DLC1: variants seen among roughly 807,000 people sequenced by gnomAD.
The protein encoded by DLC1 is rho GTPase-activating protein 7.
Under a neutral mutation model 140.3 loss-of-function variants are expected in DLC1, and 54 were observed. The ratio of observed to expected loss-of-function variants is 0.38; its 90% CI spans 0.31 to 0.48. The LOEUF is 0.48. Among genes scored for constraint, DLC1 ranks in the 20% least tolerant of loss-of-function variants. The probability of loss-of-function intolerance (pLI) is 0.96; values close to 1 mark genes in which losing one functional copy is unlikely to be tolerated. For missense variants in DLC1, 2,536 were observed against 1,907.0 expected (o/e 1.33, Z -6.14); for synonymous variants, 986 against 728.1 (o/e 1.35, Z -5.70).
chr8:13,141,945 C>T (rs1020972217), intron 5 of DLC1, among the ~76,000 whole-genome samples: 6 of 152,180 alleles, frequency 3.9e-5, no homozygotes, highest in Non-Finnish European at 5.9e-5. Context: ...TCATCTTGAA[C>T]TGTAATCCCC....
intron 5 of DLC1, among the ~76,000 whole-genome samples, chr8:13,284,019 T>C (rs1408118630): frequency 6.6e-6 from 1 of 152,148 alleles, no homozygotes; most frequent in African/African-American, 2.4e-5. Flanking sequence ...ATCAGTGGAC[T>C]AGAGTCACTT....
At chr8:13,465,872 A>C (rs1012706655) in intron 2 of DLC1, among the ~76,000 whole-genome samples, 21 of 152,132 alleles carry the variant, frequency 1.4e-4, no homozygotes, top group African/African-American at 5.1e-4. Context: ...CTCATACCAG[A>C]ACCAGGGTTA....
intron 5 of DLC1, among the ~76,000 whole-genome samples, chr8:13,152,876 T>A (rs1389604165): frequency 6.6e-6 from 1 of 150,472 alleles, no homozygotes; most frequent in African/African-American, 2.4e-5. Context: ...TCTGAAAAGC[T>A]GCTGCCATTT....
chr8:13,237,241 A>G (rs1279386285), intron 5 of DLC1, among the ~76,000 whole-genome samples: 6 of 39,630 alleles, frequency 1.5e-4, no homozygotes, highest in East Asian at 0.012. Flanking sequence ...ATATATATAT[A>G]CACACACACA....
intron 5 of DLC1, among the ~76,000 whole-genome samples, chr8:13,120,933 C>G (rs562128719): frequency 1.4e-4 from 21 of 152,238 alleles, no homozygotes; most frequent in African/African-American, 5.1e-4. Context: ...ACTCTGTTAT[C>G]TTAGCTGGTT....
chr8:13,453,402 G>A (rs541858436), intron 2 of DLC1, among the ~76,000 whole-genome samples: 953 of 20,568 alleles, frequency 0.046, 49 homozygotes, highest in African/African-American at 0.099. Flanking sequence ...ATATATATAT[G>A]TGTATATATA....
chr8:13,194,163 T>C (rs920215904), intron 5 of DLC1, among the ~76,000 whole-genome samples: 4 of 152,204 alleles, frequency 2.6e-5, no homozygotes, highest in African/African-American at 9.7e-5. Flanking sequence ...TGTGTTCAAA[T>C]TTTTATCAAA....
At chr8:13,154,930 T>C (rs542397697) in intron 5 of DLC1, among the ~76,000 whole-genome samples, 1 of 152,294 alleles carries the variant, frequency 6.6e-6, no homozygotes, top group Admixed American at 6.5e-5. Flanking sequence ...TTTAAAAAAC[T>C]TATGTTTTTA....
intron 4 of DLC1, among the ~76,000 whole-genome samples, chr8:13,356,231 T>C (rs1342443006): frequency 6.6e-6 from 1 of 152,164 alleles, no homozygotes; most frequent in African/African-American, 2.4e-5. Context: ...GGCCAACTTC[T>C]ATATTTCCTC....
At chr8:13,521,492 C>T (rs1038674304) in intron 1 of DLC1, among the ~76,000 whole-genome samples, 4 of 152,114 alleles carry the variant, frequency 2.6e-5, no homozygotes, top group African/African-American at 7.2e-5. Context: ...AATGGGGCCA[C>T]GCATTCTCTC....
intron 1 of DLC1, among the ~76,000 whole-genome samples, chr8:13,511,494 T>A (rs941800185): frequency 6.6e-6 from 1 of 152,196 alleles, no homozygotes; most frequent in Non-Finnish European, 1.5e-5. Context: ...ATCAAAACTC[T>A]GTAAACTATC....
At chr8:13,473,846 C>T (rs1800318775) in intron 2 of DLC1, among the ~76,000 whole-genome samples, 1 of 152,118 alleles carries the variant, frequency 6.6e-6, no homozygotes, top group South Asian at 2.1e-4. Context: ...TTCTAAGCAG[C>T]AAAGTATTCA....
At chr8:13,312,423 C>T (rs965885020) in intron 4 of DLC1, among the ~76,000 whole-genome samples, 1 of 143,036 alleles carries the variant, frequency 7.0e-6, no homozygotes, top group Non-Finnish European at 1.5e-5. Flanking sequence ...ACAGAAAGAG[C>T]CCCATGACTG....
At chr8:13,361,689 C>T (rs1835234878) in intron 4 of DLC1, among the ~76,000 whole-genome samples, 1 of 152,094 alleles carries the variant, frequency 6.6e-6, no homozygotes, top group South Asian at 2.1e-4. Context: ...TAGGTCTGGA[C>T]AAGATATTTA....
At chr8:13,435,738 T>C (rs1417312330) in intron 2 of DLC1, among the ~76,000 whole-genome samples, 1 of 152,206 alleles carries the variant, frequency 6.6e-6, no homozygotes, top group Non-Finnish European at 1.5e-5. Flanking sequence ...AAAATTTAGT[T>C]GACAAAGGAG....
intron 4 of DLC1, among the ~76,000 whole-genome samples, chr8:13,380,423 G>A (rs1286696119): frequency 6.6e-6 from 1 of 152,096 alleles, no homozygotes; most frequent in East Asian, 1.9e-4. Flanking sequence ...ATGTTTTAAA[G>A]AAAACCCATT....
chr8:13,390,061 G>T (rs1239564170), intron 4 of DLC1, among the ~76,000 whole-genome samples: 3 of 152,102 alleles, frequency 2.0e-5, no homozygotes, highest in Non-Finnish European at 4.4e-5. Context: ...GCTCCAAATT[G>T]TGGGAGAAAG....
At position 13,526,687 on chromosome 8, in the gene DLC1, C is replaced by T. The variant is rs370114055; in HGVS notation, c.-125-26491G>A. ...TATCGCAAGGACAGAAAGCCAAACACCGCATGTTCTCATTCATAGGTGGGA... is the reference window on the plus strand; with the variant it reads ...TATCGCAAGGACAGAAAGCCAAACATCGCATGTTCTCATTCATAGGTGGGA... On this transcript the variant is annotated intron_variant, in intron 1 of 1. Transcript: ENST00000631382. Among the ~76,000 whole-genome samples the T allele has an allele frequency of 5.9e-5, 9 of 152,142 alleles. No homozygotes were observed. In the East Asian group the frequency reaches 1.2e-3, roughly 20 times the overall value.
intron 1 of DLC1, among the ~76,000 whole-genome samples, chr8:13,560,296 T>C (rs1804193923): frequency 6.6e-6 from 1 of 152,200 alleles, no homozygotes; most frequent in Non-Finnish European, 1.5e-5. Flanking sequence ...AAACTTTCAC[T>C]TATTTTCAAA....
Sources: allele counts gnomAD v4.1 joint callset (sites outside exome capture counted in the v4.1 genomes callset), GRCh38; gene constraint gnomAD v4.1.1; transcripts MANE v1.5; gene names NCBI Gene and HGNC (gene_info 2026-07-23, HGNC 2026-07-21).